TFAP2D: variants seen among roughly 807,000 people sequenced by gnomAD.
TFAP2D encodes the protein transcription factor AP-2-delta.
Under a neutral mutation model 43.6 loss-of-function variants are expected in TFAP2D, and 9 were observed. The observed-to-expected ratio is 0.21, with a 90% confidence interval of 0.12 to 0.36. The LOEUF is 0.36. Among genes scored for constraint, TFAP2D ranks in the 10% least tolerant of loss-of-function variants. The pLI, the probability that TFAP2D is intolerant of heterozygous loss-of-function variation, is 1.00. For missense variants in TFAP2D, 513 were observed against 561.4 expected, an observed-to-expected ratio of 0.91 and a Z score of 0.87; for synonymous variants, 256 against 224.9, an observed-to-expected ratio of 1.14 and a Z score of -1.24.
intron 6 of TFAP2D, among the ~76,000 whole-genome samples, chr6:50,746,785 T>G (rs756700577): frequency 9.2e-5 from 14 of 152,162 alleles, no homozygotes; most frequent in Non-Finnish European, 1.5e-4. Context: ...CCAAGACACT[T>G]GAGTCCCTTA....
chr6:50,766,580 G>C (rs1400080984), intron 7 of TFAP2D, among the ~76,000 whole-genome samples: 3 of 147,424 alleles, frequency 2.0e-5, no homozygotes, highest in African/African-American at 7.5e-5. Context: ...TTAATCCTCT[G>C]TGGTTAAATT....
At chr6:50,757,495 T>TAATTATTCTATATATAGAATAC (rs1769293078) in intron 7 of TFAP2D, among the ~76,000 whole-genome samples, 1 of 77,600 alleles carries the variant, frequency 1.3e-5, no homozygotes, top group African/African-American at 5.4e-5. Flanking sequence ...ATATATAATA[T>TAATTATTCTATATATAGAATAC]ATATAATTAT....
intron 3 of TFAP2D, among the ~76,000 whole-genome samples, chr6:50,723,689 T>C (rs968277163): frequency 3.3e-5 from 5 of 152,146 alleles, no homozygotes; most frequent in Non-Finnish European, 7.3e-5. Flanking sequence ...TGGAAATCTT[T>C]GTGGGCGTTG....
chr6:50,714,631 C>T (rs1224733799), intron 1 of TFAP2D, among the ~76,000 whole-genome samples: 1 of 152,150 alleles, frequency 6.6e-6, no homozygotes, highest in African/African-American at 2.4e-5. Context: ...CCGGGCCGAA[C>T]ATCTCGGCAT....
intron 7 of TFAP2D, among the ~76,000 whole-genome samples, chr6:50,760,077 G>T (rs936700629): frequency 6.6e-6 from 1 of 151,946 alleles, no homozygotes; most frequent in Non-Finnish European, 1.5e-5. Flanking sequence ...ATGCATATTG[G>T]CATACCAAAG....
chr6:50,766,654 C>CTTTTTTTTTTTTTTTTTTTTTTTTTTTT (rs763018088), intron 7 of TFAP2D, among the ~76,000 whole-genome samples: 11 of 57,388 alleles, frequency 1.9e-4, no homozygotes, highest in Admixed American at 3.0e-4. Flanking sequence ...AGATTGCTTT[C>CTTTTTTTTTTTTTTTTTTTTTTTTTTTT]TTTTTTTTTT....
At chr6:50,759,414 T>A (rs1769333063) in intron 7 of TFAP2D, among the ~76,000 whole-genome samples, 1 of 152,052 alleles carries the variant, frequency 6.6e-6, no homozygotes, top group Admixed American at 6.6e-5. Flanking sequence ...TTTAGACCAA[T>A]AATATTTTAC....
In TFAP2D at chr6:50,749,504, G is replaced by A. The variant is rs188021530; in HGVS notation, c.1026-1707G>A. Among the ~76,000 whole-genome samples the A allele has an allele frequency of 3.3e-3, 496 of 151,898 alleles. 4 individuals carry two copies. The highest frequency in any genetic ancestry group is 0.011 in the African/African-American group (449 of 41,498). On this transcript the variant is annotated intron_variant, in intron 6 of 7. Coordinates refer to ENST00000008391, the MANE Select transcript of TFAP2D (RefSeq NM_172238.4). The stretch of plus-strand genomic sequence containing the variant: ...CAATCTTTCTTTGTAAGAATGGATC[G>A]TAATGATGACCTACCATACAGTAAT...
intron 7 of TFAP2D, among the ~76,000 whole-genome samples, chr6:50,753,629 G>A (rs1769227675): frequency 6.6e-6 from 1 of 151,792 alleles, no homozygotes; most frequent in African/African-American, 2.4e-5. Flanking sequence ...GATTATATTG[G>A]AGGTATAAAA....
chr6:50,714,892 G>C (rs565163815), intron 1 of TFAP2D, among the ~76,000 whole-genome samples: 3 of 151,800 alleles, frequency 2.0e-5, no homozygotes, highest in Non-Finnish European at 4.4e-5. Context: ...TTTTTTTTCC[G>C]CTCTCTCGAC....
intron 3 of TFAP2D, among the ~76,000 whole-genome samples, chr6:50,727,106 G>C (rs1369382799): frequency 6.6e-6 from 1 of 152,148 alleles, no homozygotes; most frequent in Admixed American, 6.5e-5. Context: ...TGGCTACCCT[G>C]ACATTCCCAC....
rs955240323 is a variant in TFAP2D at position 50,728,747 on chromosome 6, T to C, written c.599-109T>C. 1.3e-5 allele frequency: 14 copies of C among 1,073,060 alleles called. 1 individual carries two copies. In the African/African-American group the frequency reaches 1.4e-4, roughly 11 times the overall value. 66.5% of individuals were successfully genotyped at this position (1,073,060 alleles called of 1,614,324 possible). A position where few individuals can be genotyped will look rare whatever the true frequency, so the allele number is the denominator to read the frequency against. On this transcript the variant is annotated intron_variant, in intron 3 of 7. Coordinates refer to ENST00000008391, the MANE Select transcript of TFAP2D (RefSeq NM_172238.4). ...GATCTGGGGGATATATAAGTACAAC[T>C]GTTAGCATGTATTCCCAAATCCAGA...
At chr6:50,742,784 G>A (rs1434666085) in intron 5 of TFAP2D, among the ~76,000 whole-genome samples, 1 of 152,060 alleles carries the variant, frequency 6.6e-6, no homozygotes, top group Admixed American at 6.6e-5. Flanking sequence ...AGATACTTTT[G>A]AAGCCTAAGG....
At chr6:50,740,317 G>GAAT (rs2113879892) in intron 5 of TFAP2D, among the ~76,000 whole-genome samples, 1 of 152,196 alleles carries the variant, frequency 6.6e-6, no homozygotes, top group East Asian at 1.9e-4. Context: ...ATTATCTATT[G>GAAT]AATAACAATG....
At position 50,748,270 on chromosome 6, in the gene TFAP2D, G is replaced by C. The variant is rs116381417; in HGVS notation, c.1026-2941G>C. Among the ~76,000 whole-genome samples the C allele has an allele frequency of 6.3e-3, 952 of 151,888 alleles. 9 individuals are homozygous for C. The highest frequency in any genetic ancestry group is 0.022 in the African/African-American group (895 of 41,470). ...GAGAAGTTTCTAATTTTACACCAAT[G>C]GTAAAGCATGAGGTATTTTCATCAA... On this transcript the variant is annotated intron_variant, in intron 6 of 7. Transcript: ENST00000008391.
At chr6:50,731,910 A>G (rs971805335) in intron 5 of TFAP2D, among the ~76,000 whole-genome samples, 2 of 151,998 alleles carry the variant, frequency 1.3e-5, no homozygotes, top group East Asian at 1.9e-4. Flanking sequence ...TGATTCATCA[A>G]ACCTCCTGGG....
At chr6:50,741,020 G>A (rs190748396) in intron 5 of TFAP2D, among the ~76,000 whole-genome samples, 58 of 151,956 alleles carry the variant, frequency 3.8e-4, no homozygotes, top group African/African-American at 1.2e-3. Flanking sequence ...TATCTTTTAC[G>A]TTCTTGCTAT....
At chr6:50,735,382 G>A (rs1481716962) in intron 5 of TFAP2D, among the ~76,000 whole-genome samples, 3 of 152,096 alleles carry the variant, frequency 2.0e-5, no homozygotes, top group Non-Finnish European at 4.4e-5. Flanking sequence ...CTTTGAGCCT[G>A]TTTTTCACGT....
intron 7 of TFAP2D, among the ~76,000 whole-genome samples, chr6:50,756,790 T>TA (rs1182781236): frequency 2.6e-5 from 4 of 151,964 alleles, no homozygotes; most frequent in Non-Finnish European, 2.9e-5. Flanking sequence ...GAAGACCCCA[T>TA]AGACTCACAG....
Sources: gnomAD v4.1 joint callset for allele counts (sites outside exome capture counted in the v4.1 genomes callset) on GRCh38, gnomAD v4.1.1 for gene constraint, MANE v1.5 for transcripts, NCBI Gene and HGNC (gene_info 2026-07-23, HGNC 2026-07-21) for gene names.